NCOR1: variants seen among roughly 807,000 people sequenced by gnomAD.
The protein encoded by NCOR1 is protein phosphatase 1, regulatory subunit 109.
A neutral mutation model predicts 288.1 loss-of-function variants in NCOR1; 63 were observed. That is an observed-to-expected ratio of 0.22 (90% confidence interval 0.18 to 0.27). The LOEUF (loss-of-function observed/expected upper bound fraction) is 0.27. Ranked by LOEUF, NCOR1 falls within the 10% of genes least tolerant of loss-of-function variation. The pLI is 1.00. For missense variants in NCOR1, 2,397 were observed against 3,019.2 expected, an observed-to-expected ratio of 0.79 and a Z score of 4.83; for synonymous variants, 1,007 against 1,065.9, an observed-to-expected ratio of 0.94 and a Z score of 1.08.
chr17:16,200,687 A>ATT (rs2090674129), intron 1 of NCOR1, among the ~76,000 whole-genome samples: 1 of 152,136 alleles, frequency 6.6e-6, no homozygotes, highest in East Asian at 1.9e-4. Flanking sequence ...AAACCTACTG[A>ATT]TACAAAAGTA....
chr17:16,113,679 G>C (rs2070841863), intron 18 of NCOR1, among the ~76,000 whole-genome samples: 1 of 152,106 alleles, frequency 6.6e-6, no homozygotes, highest in African/African-American at 2.4e-5. Flanking sequence ...GATCACTTGA[G>C]GCCAGGAGCT....
chr17:16,132,791 C>CTTTTT (rs34110444), intron 14 of NCOR1, among the ~76,000 whole-genome samples: 1 of 130,092 alleles, frequency 7.7e-6, no homozygotes, highest in Non-Finnish European at 1.6e-5. Flanking sequence ...GCAAACTACA[C>CTTTTT]TTTTTTTTTT....
intron 10 of NCOR1, among the ~76,000 whole-genome samples, chr17:16,144,006 G>A (rs1053981289): frequency 1.3e-5 from 2 of 152,138 alleles, no homozygotes; most frequent in Non-Finnish European, 2.9e-5. Flanking sequence ...TGTATGCCCT[G>A]TAGTAGACTT....
intron 2 of NCOR1, among the ~76,000 whole-genome samples, chr17:16,193,550 C>T (rs1362527550): frequency 6.6e-6 from 1 of 151,926 alleles, no homozygotes; most frequent in Non-Finnish European, 1.5e-5. Context: ...TTTAAAAAAC[C>T]AGCAGCAACA....
rs754874782 is a variant in NCOR1, at chr17:16,101,477, A to G, written c.2463T>C (p.Ser821=). 4 of 1,614,062 alleles carry G rather than the reference A, an allele frequency of 2.5e-6. No individual in the cohort carries two copies. In the Admixed American group the frequency reaches 5.0e-5, roughly 20 times the overall value. Reference sequence around the variant, plus strand: ...CTGGCACCCTCACTTCAACGTCCACAGAGTCAGCTTTGGTAGCGGGTGGGG... The same window carrying G: ...CTGGCACCCTCACTTCAACGTCCACGGAGTCAGCTTTGGTAGCGGGTGGGG... The part of the protein sequence containing the change: ...CDPPPATKAD[S]VDVEVRVPEN... The change falls in exon 20 of 46, where the codon TCT becomes TCC. Residue 821 remains serine (S), a synonymous_variant. Transcript: ENST00000268712.
chr17:16,184,707 T>C (rs2086239096), intron 3 of NCOR1, among the ~76,000 whole-genome samples: 1 of 152,158 alleles, frequency 6.6e-6, no homozygotes, highest in African/African-American at 2.4e-5. Context: ...ACAATCCTTC[T>C]TCTGGATATA....
Position 16,205,125 on chromosome 17 carries a change from CA to C in NCOR1, c.-71+10236del, listed in dbSNP as rs544848740. On this transcript the variant is annotated intron_variant, in intron 1 of 45. Coordinates refer to ENST00000268712, the MANE Select transcript of NCOR1 (RefSeq NM_006311.4). ...ATCCCAGCTACTCAGGAGGCTAAGG[CA>C]GGAGAATCACTTGAACCCAGGAGGC... 1.2e-4 allele frequency among the ~76,000 whole-genome samples: 18 copies of C among 151,584 alleles called. No homozygotes were observed. In the East Asian group the frequency reaches 3.3e-3, roughly 28 times the overall value.
rs183239205 is a variant in NCOR1 at position 16,058,019 on chromosome 17, G to T, written c.6056C>A (p.Pro2019Gln). 6.2e-6 allele frequency: 10 copies of T among 1,614,102 alleles called. No individual in the cohort carries two copies. In the Admixed American group the frequency reaches 1.2e-4, roughly 19 times the overall value. The change falls in exon 39 of 46, where the codon CCA becomes CAA. Residue 2019 changes from proline (P) to glutamine (Q), a missense_variant. Pro to Gln is a moderately conservative substitution (Grantham distance 76, BLOSUM62 -1). Transcript: ENST00000268712. ...TTGGGGAGATGGTGATTCCTGCTGT[G>T]GTCGATAGTGATGTAATGGTCCTTC... ...QYEGPLHHYR[P>Q]QQESPSPQQQ...
chr17:16,065,392 C>T, intron 33 of NCOR1, 93 bp downstream of exon 33: 1 of 1,341,122 alleles, frequency 7.5e-7, no homozygotes. Context: ...TTCTTTCTTT[C>T]CATCATTCAT....
chr17:16,141,580 T>G (rs936246764), intron 11 of NCOR1, among the ~76,000 whole-genome samples: 1 of 152,172 alleles, frequency 6.6e-6, no homozygotes, highest in African/African-American at 2.4e-5. Context: ...AAACAGGGTA[T>G]CATAATTAAA....
intron 22 of NCOR1, 36 bp from the exon 23 acceptor site, chr17:16,086,478 C>G: frequency 6.4e-7 from 1 of 1,570,214 alleles, no homozygotes; most frequent in Non-Finnish European, 8.7e-7. Context: ...TTAAACTAGT[C>G]CATTTCCTAG....
rs996121619 is a variant in NCOR1, at chr17:16,094,075, T to G, written c.2821-2017A>C. ...ACCATGCGGAGCTAATTTTTTTTTGTTTTTTTTTGGAGAGACAGGGTTTCG... is the reference window on the plus strand; with the variant it reads ...ACCATGCGGAGCTAATTTTTTTTTGGTTTTTTTTGGAGAGACAGGGTTTCG... On this transcript the variant is annotated intron_variant, in intron 21 of 45. Transcript: ENST00000268712. 3.4e-5 allele frequency among the ~76,000 whole-genome samples: 5 copies of G among 148,016 alleles called. No homozygotes were observed. In the South Asian group the frequency reaches 6.3e-4, roughly 19 times the overall value.
chr17:16,086,559 C>T lies in NCOR1; in HGVS notation c.3017-117G>A, dbSNP rs145145810. On this transcript the variant is annotated intron_variant, in intron 22 of 45. Coordinates refer to ENST00000268712, the MANE Select transcript of NCOR1 (RefSeq NM_006311.4). ...ACTAATTAAAAAATGTAAGATGAAA[C>T]CAACAATGAACATTTCTATTTTAAA... 1,225 of 882,430 alleles carry T rather than the reference C, an allele frequency of 1.4e-3. 9 individuals are homozygous for T. The African/African-American group carries it at 0.019, about 13-fold the overall frequency. The allele number at this position is 882,430 out of a possible 1,614,324, so 54.7% of individuals were successfully genotyped here.
intron 14 of NCOR1, among the ~76,000 whole-genome samples, chr17:16,130,472 C>CGTT (rs2075421137): frequency 6.6e-6 from 1 of 152,114 alleles, no homozygotes; most frequent in Non-Finnish European, 1.5e-5. Flanking sequence ...CGCAATGGCT[C>CGTT]GTTGTCCAGG....
At chr17:16,132,744 A>T (rs1401838051) in intron 14 of NCOR1, among the ~76,000 whole-genome samples, 4 of 152,240 alleles carry the variant, frequency 2.6e-5, no homozygotes, top group Non-Finnish European at 5.9e-5. Flanking sequence ...AACAGGTTTT[A>T]AAAAATCAAA....
chr17:16,077,641 A>G (rs887379103), intron 26 of NCOR1, among the ~76,000 whole-genome samples: 13 of 151,140 alleles, frequency 8.6e-5, no homozygotes, highest in Admixed American at 7.9e-4. Context: ...GGGAAAAGAA[A>G]AGAGAAAAGA....
At chr17:16,079,867 A>G in intron 26 of NCOR1, 97 bp downstream of exon 26, 1 of 1,013,400 alleles carries the variant, frequency 9.9e-7, no homozygotes, top group Non-Finnish European at 1.5e-6. Context: ...TAATGCAGAA[A>G]AATGAACTTA....
chr17:16,149,181 C>T (rs1030906746), intron 9 of NCOR1, among the ~76,000 whole-genome samples: 11 of 151,212 alleles, frequency 7.3e-5, no homozygotes, highest in Non-Finnish European at 1.2e-4. Context: ...AACTACTCAC[C>T]GTTTTATTTT....
At chr17:16,076,984 T>G (rs556361692) in intron 26 of NCOR1, among the ~76,000 whole-genome samples, 144 of 152,190 alleles carry the variant, frequency 9.5e-4, no homozygotes, top group Non-Finnish European at 1.9e-3. Flanking sequence ...CTTCAAAAAT[T>G]GAATGAATTG....
Sources: allele counts gnomAD v4.1 joint callset (sites outside exome capture counted in the v4.1 genomes callset), GRCh38; gene constraint gnomAD v4.1.1; transcripts MANE v1.5; gene names NCBI Gene and HGNC (gene_info 2026-07-23, HGNC 2026-07-21).